TM7SF3: variants seen among roughly 807,000 people sequenced by gnomAD.
TM7SF3 encodes the protein transmembrane 7 superfamily member 3, also known as seven span transmembrane protein.
A neutral mutation model predicts 65.5 loss-of-function variants in TM7SF3; 60 were observed. That is an observed-to-expected ratio of 0.92 (90% confidence interval 0.74 to 1.14). The LOEUF (loss-of-function observed/expected upper bound fraction) is 1.14. Among genes scored for constraint, TM7SF3 ranks in the 50% most tolerant of loss-of-function variants. The pLI is 0.00. For missense variants in TM7SF3, 623 were observed against 684.8 expected (o/e 0.91, Z 1.01); for synonymous variants, 264 against 259.6 (o/e 1.02, Z -0.16).
chr12:26,994,915 A>G (rs1218430156), intron 5 of TM7SF3, among the ~76,000 whole-genome samples: 1 of 152,228 alleles, frequency 6.6e-6, no homozygotes, highest in African/African-American at 2.4e-5. Context: ...TGTAATCTTC[A>G]TACTTGCCAA....
At chr12:27,012,443 G>A (rs1941280698) in intron 1 of TM7SF3, among the ~76,000 whole-genome samples, 1 of 152,034 alleles carries the variant, frequency 6.6e-6, no homozygotes, top group Non-Finnish European at 1.5e-5. Context: ...TTTGCACAAG[G>A]GCTTTTCAAA....
chr12:27,004,934 T>G (rs1940972496), intron 1 of TM7SF3, among the ~76,000 whole-genome samples: 1 of 152,180 alleles, frequency 6.6e-6, no homozygotes, highest in South Asian at 2.1e-4. Context: ...GAGGTTAAAA[T>G]ATTAAGGAAT....
chr12:26,985,779 G>A (rs1940050388), intron 6 of TM7SF3, among the ~76,000 whole-genome samples: 1 of 140,032 alleles, frequency 7.1e-6, no homozygotes, highest in Admixed American at 7.3e-5. Context: ...GTGACAAAGA[G>A]CCTTTGCTTG....
intron 1 of TM7SF3, among the ~76,000 whole-genome samples, chr12:27,007,529 G>A (rs1941086242): frequency 6.6e-6 from 1 of 151,376 alleles, no homozygotes; most frequent in Admixed American, 6.6e-5. Context: ...TCATCTGGAG[G>A]GGATTAAAAA....
chr12:26,977,711 G>A (rs371863697), intron 9 of TM7SF3, among the ~76,000 whole-genome samples: 30 of 152,216 alleles, frequency 2.0e-4, no homozygotes, highest in African/African-American at 7.0e-4. Context: ...CTGAGACTGC[G>A]CGACTGCACT....
chr12:26,975,444 G>A (rs1939523379), intron 11 of TM7SF3, 52 bp downstream of exon 11: 1 of 1,600,768 alleles, frequency 6.2e-7, no homozygotes, highest in Admixed American at 1.7e-5. Flanking sequence ...GCATAGGTGG[G>A]TCAAGACTCC....
chr12:27,010,772 T>C (rs888483069), intron 1 of TM7SF3, among the ~76,000 whole-genome samples: 10 of 152,244 alleles, frequency 6.6e-5, no homozygotes, highest in Admixed American at 3.9e-4. Flanking sequence ...ATCTGACCTA[T>C]AGTAGGGACT....
intron 10 of TM7SF3, 56 bp from the exon 11 acceptor site, chr12:26,975,714 T>A: frequency 6.4e-7 from 1 of 1,570,906 alleles, no homozygotes; most frequent in South Asian, 1.2e-5. Flanking sequence ...AAATAGTTTA[T>A]AACTCTCCAC....
rs1207554747 is a variant in TM7SF3, at chr12:26,995,282, C to T, written c.645G>A (p.Leu215=). Residue 215 remains leucine, a synonymous_variant, in exon 5 of 12, where the codon CTG becomes CTA. Transcript: ENST00000343028. Reference sequence around the variant, plus strand: ...CCTGGGGCACACTGACCATCCTCTGCAGATGCTTCAGCAACATCTCCTCAG... The same window carrying T: ...CCTGGGGCACACTGACCATCCTCTGTAGATGCTTCAGCAACATCTCCTCAG... ...DLTEEMLLKH[L]QRMVSVPQVK... is the part of the protein sequence containing the mutation. 1 of 1,614,094 alleles carries T rather than the reference C, an allele frequency of 6.2e-7. No individual in the cohort carries two copies. Among genetic ancestry groups the T allele is most frequent in the African/African-American group, 1.3e-5 (1 of 74,932 alleles).
At chr12:27,006,796 A>G (rs73091103) in intron 1 of TM7SF3, among the ~76,000 whole-genome samples, 18,528 of 152,270 alleles carry the variant, frequency 0.12, 1,266 homozygotes, top group Non-Finnish European at 0.17. Context: ...TAGCTTTACC[A>G]TTTTAAAAGC....
chr12:27,010,641 A>G (rs924901631), intron 1 of TM7SF3, among the ~76,000 whole-genome samples: 3 of 152,230 alleles, frequency 2.0e-5, no homozygotes, highest in Non-Finnish European at 4.4e-5. Context: ...ATTATATCTT[A>G]TGACTTGCAG....
chr12:27,007,923 A>C (rs1773438360), intron 1 of TM7SF3, among the ~76,000 whole-genome samples: 1 of 152,192 alleles, frequency 6.6e-6, no homozygotes, highest in South Asian at 2.1e-4. Context: ...TCATTACCAT[A>C]ATTGTATACT....
At chr12:26,995,184 C>A in intron 5 of TM7SF3, 53 bp downstream of exon 5, 1 of 1,563,718 alleles carries the variant, frequency 6.4e-7, no homozygotes, top group South Asian at 1.2e-5. Flanking sequence ...CCCTTCTCAA[C>A]TCTGACAAAG....
In TM7SF3 at chr12:26,996,981, C is replaced by T. The variant is rs191786901; in HGVS notation, c.398-119G>A. The T allele has an allele frequency of 1.4e-5, 15 of 1,052,346 alleles. No individual in the cohort carries two copies. The Admixed American group carries it at 1.8e-4, about 13-fold the overall frequency. The allele number at this position is 1,052,346 out of a possible 1,614,324, so 65.2% of individuals were successfully genotyped here. A position where few individuals can be genotyped will look rare whatever the true frequency, so the allele number is the denominator to read the frequency against. On this transcript the variant is annotated intron_variant, in intron 3 of 11. Transcript: ENST00000343028. ...TTCCCAAATAGAAGTTAAATATAAACGTAGAGCTTCTAGTCGTATACTATT... is the reference window on the plus strand; with the variant it reads ...TTCCCAAATAGAAGTTAAATATAAATGTAGAGCTTCTAGTCGTATACTATT...
At position 26,980,569 on chromosome 12, in the gene TM7SF3, C is replaced by G. The variant is rs755834230; in HGVS notation, c.1033G>C (p.Asp345His). The change falls in exon 8 of 12, where the codon GAT becomes CAT. Residue 345 changes from aspartate to histidine, a missense_variant. Asp to His is a moderately conservative substitution (Grantham distance 81). Coordinates refer to ENST00000343028, the MANE Select transcript of TM7SF3 (RefSeq NM_016551.3). Reference sequence around the variant, plus strand: ...AAACTATATAATTTTCACTTACCATCATACTTGATAGGTGTCAGTCTTGTA... The same window carrying G: ...AAACTATATAATTTTCACTTACCATGATACTTGATAGGTGTCAGTCTTGTA... ...LITRLTPIKY[D>H]VNLILTAVTG... 6.0e-5 allele frequency: 87 copies of G among 1,458,928 alleles called. No homozygotes were observed. Among genetic ancestry groups the G allele is most frequent in the Non-Finnish European group, 4.3e-5 (45 of 1,044,050 alleles). The allele number at this position is 1,458,928 out of a possible 1,614,324, so 90.4% of individuals were successfully genotyped here. A position where few individuals can be genotyped will look rare whatever the true frequency, so the allele number is the denominator to read the frequency against.
Position 26,992,667 on chromosome 12 carries a change from C to T in TM7SF3, c.691-2040G>A, listed in dbSNP as rs895173052. 3.3e-5 allele frequency among the ~76,000 whole-genome samples: 5 copies of T among 152,264 alleles called. No individual in the cohort carries two copies. In the East Asian group the frequency reaches 7.7e-4, roughly 24 times the overall value. ...ACACTGTAAAATGTTAGCTATTACC[C>T]GTGTGGTTAAGCAGGAGCGATGGCT... On this transcript the variant is annotated intron_variant, in intron 5 of 11. Coordinates refer to ENST00000343028, the MANE Select transcript of TM7SF3 (RefSeq NM_016551.3).
chr12:26,979,378 GTACCTGAGGGA>G (rs1565867069), intron 9 of TM7SF3: 1 of 172,988 alleles, frequency 5.8e-6, no homozygotes, highest in African/African-American at 2.4e-5. Flanking sequence ...GGGTGATTAA[GTACCTGAGGGA>G]CACCTGGGGT....
chr12:26,981,665 G>T (rs1414715648), intron 7 of TM7SF3, among the ~76,000 whole-genome samples: 2 of 152,172 alleles, frequency 1.3e-5, no homozygotes, highest in Non-Finnish European at 2.9e-5. Flanking sequence ...AGCAGGAAAG[G>T]AGTTGCTATT....
intron 9 of TM7SF3, among the ~76,000 whole-genome samples, chr12:26,977,649 G>C (rs1006644758): frequency 1.3e-5 from 2 of 152,152 alleles, no homozygotes; most frequent in Non-Finnish European, 2.9e-5. Context: ...AGCTACTCAG[G>C]AGGCTGAGGC....
Sources: allele counts gnomAD v4.1 joint callset (sites outside exome capture counted in the v4.1 genomes callset), GRCh38; gene constraint gnomAD v4.1.1; transcripts MANE v1.5; gene names NCBI Gene and HGNC (gene_info 2026-07-23, HGNC 2026-07-21).